Variants in NCKAP5 observed in about 807,000 individuals in gnomAD.
NCKAP5 encodes nck-associated protein 5.
Under a neutral mutation model 167.0 loss-of-function variants are expected in NCKAP5, and 92 were observed. The ratio of observed to expected loss-of-function variants is 0.55; its 90% CI spans 0.47 to 0.66. The LOEUF (loss-of-function observed/expected upper bound fraction) is 0.66, where lower values mean the gene tolerates loss of function less well. NCKAP5 is among the 30% of genes least tolerant of loss of function. NCKAP5 has a pLI of 0.00. For missense variants in NCKAP5, 2,378 were observed against 2,315.0 expected (o/e 1.03, Z -0.56); for synonymous variants, 891 against 877.4 (o/e 1.02, Z -0.27).
chr2:133,217,322 C>T (rs1177878542), intron 4 of NCKAP5, among the ~76,000 whole-genome samples: 1 of 151,846 alleles, frequency 6.6e-6, no homozygotes, highest in Non-Finnish European at 1.5e-5. Context: ...CCCACCTAAA[C>T]AAAAAAACAG....
chr2:133,349,208 C>T (rs181153513), intron 3 of NCKAP5, among the ~76,000 whole-genome samples: 164 of 152,312 alleles, frequency 1.1e-3, no homozygotes, highest in Non-Finnish European at 1.9e-3. Flanking sequence ...AGGGGAATCA[C>T]TATCTTGTTT....
At chr2:132,969,068 C>T (rs1012202232) in intron 7 of NCKAP5, among the ~76,000 whole-genome samples, 1 of 152,106 alleles carries the variant, frequency 6.6e-6, no homozygotes, top group Non-Finnish European at 1.5e-5. Context: ...GATGGAGTCT[C>T]CCTCTGTTGC....
At chr2:133,459,412 G>A (rs140515737) in intron 3 of NCKAP5, among the ~76,000 whole-genome samples, 20 of 152,074 alleles carry the variant, frequency 1.3e-4, no homozygotes, top group Non-Finnish European at 2.2e-4. Flanking sequence ...TTATATGAGT[G>A]TAAGGTTCTT....
At chr2:133,629,602 C>T in the NCKAP5 span, among the ~76,000 whole-genome samples, 5 of 152,096 alleles carry the variant, frequency 3.3e-5, no homozygotes, top group Admixed American at 2.6e-4. Context: ...CCAGAAATAC[C>T]ATTTGACCCA....
intron 6 of NCKAP5, among the ~76,000 whole-genome samples, chr2:133,023,324 AT>A (rs1251142431): frequency 2.6e-5 from 4 of 152,014 alleles, no homozygotes; most frequent in Admixed American, 2.6e-4. Flanking sequence ...ACCTGTGAAT[AT>A]TTTTTCATAT....
At chr2:133,555,175 A>G (rs1687652543) in intron 2 of NCKAP5, among the ~76,000 whole-genome samples, 2 of 152,162 alleles carry the variant, frequency 1.3e-5, no homozygotes, top group Admixed American at 6.5e-5. Flanking sequence ...TCTATAATGA[A>G]CCTGCTTTTG....
At chr2:133,458,781 T>C (rs1006917836) in intron 3 of NCKAP5, among the ~76,000 whole-genome samples, 33 of 152,160 alleles carry the variant, frequency 2.2e-4, no homozygotes, top group African/African-American at 8.0e-4. Flanking sequence ...ATAAGGACTC[T>C]CGGGGTTTAG....
chr2:133,393,819 A>G (rs1687572596), intron 3 of NCKAP5, among the ~76,000 whole-genome samples: 1 of 152,208 alleles, frequency 6.6e-6, no homozygotes. Context: ...TTGGTGCCAT[A>G]TGTATTAGGA....
intron 4 of NCKAP5, among the ~76,000 whole-genome samples, chr2:133,256,749 G>C (rs1015938738): frequency 6.6e-6 from 1 of 152,154 alleles, no homozygotes; most frequent in Non-Finnish European, 1.5e-5. Context: ...TTAAAACAAA[G>C]TGAAAGTTCC....
intron 19 of NCKAP5, among the ~76,000 whole-genome samples, chr2:132,681,186 G>A (rs1379750189): frequency 6.6e-6 from 1 of 152,096 alleles, no homozygotes; most frequent in Non-Finnish European, 1.5e-5. Flanking sequence ...TGATAATTGA[G>A]CAGTTCCTGA....
At chr2:133,243,105 T>C (rs1425320958) in intron 4 of NCKAP5, among the ~76,000 whole-genome samples, 1 of 150,260 alleles carries the variant, frequency 6.7e-6, no homozygotes, top group Non-Finnish European at 1.5e-5. Context: ...CATACTTATA[T>C]ATATTTTTTA....
rs1214433229 is a variant in NCKAP5 at position 133,171,614 on chromosome 2, G to A, written c.208-41503C>T. On this transcript the variant is annotated intron_variant, in intron 5 of 19. Coordinates refer to ENST00000409261, the MANE Select transcript of NCKAP5 (RefSeq NM_207363.3). ...ATGTGGCTCCCTCTTCTGGTGGAAA[G>A]CCTGAATCAATAATAAAATCATCTC... Among the ~76,000 whole-genome samples, 3 of 152,202 alleles carry A rather than the reference G, an allele frequency of 2.0e-5. No homozygotes were observed. The East Asian group carries it at 5.8e-4, about 29-fold the overall frequency.
chr2:133,111,227 A>C (rs537606354), intron 6 of NCKAP5, among the ~76,000 whole-genome samples: 1 of 152,272 alleles, frequency 6.6e-6, no homozygotes, highest in East Asian at 1.9e-4. Flanking sequence ...ATTTAAGTGA[A>C]GGTGAATTTG....
At position 133,213,697 on chromosome 2, in the gene NCKAP5, G is replaced by A. The variant is rs756042071; in HGVS notation, c.207+19C>T. On this transcript the variant is annotated intron_variant, in intron 5 of 19. Coordinates refer to ENST00000409261, the MANE Select transcript of NCKAP5 (RefSeq NM_207363.3). ...ACCTCTGGATGTTGTGGAATGAGGG[G>A]ACGGCAGTCAGGACTTACCATGGCC... 1.2e-6 allele frequency: 2 copies of A among 1,612,934 alleles called. No homozygotes were observed. Among genetic ancestry groups the A allele is most frequent in the Non-Finnish European group, 1.7e-6 (2 of 1,179,322 alleles).
At chr2:133,508,766 A>T (rs529169688) in intron 3 of NCKAP5, among the ~76,000 whole-genome samples, 6 of 152,336 alleles carry the variant, frequency 3.9e-5, no homozygotes, top group African/African-American at 1.4e-4. Flanking sequence ...GATGATTCCC[A>T]TTGTTGAAAG....
chr2:132,731,314 C>T (rs530181750), intron 17 of NCKAP5, among the ~76,000 whole-genome samples: 1 of 152,300 alleles, frequency 6.6e-6, no homozygotes, highest in South Asian at 2.1e-4. Flanking sequence ...TATAGTTCAA[C>T]ATATAAAGAT....
chr2:133,666,198 T>C, the NCKAP5 span, among the ~76,000 whole-genome samples: 1 of 148,790 alleles, frequency 6.7e-6, no homozygotes, highest in Non-Finnish European at 1.5e-5. Flanking sequence ...TTTTTTTTTT[T>C]TTTTTTTTTT....
At chr2:133,219,956 G>A (rs779244923) in intron 4 of NCKAP5, among the ~76,000 whole-genome samples, 5 of 152,046 alleles carry the variant, frequency 3.3e-5, no homozygotes, top group South Asian at 2.1e-4. Flanking sequence ...TTCCTGGCAC[G>A]CCATATTTTC....
intron 2 of NCKAP5, among the ~76,000 whole-genome samples, chr2:133,524,367 T>C (rs1262201592): frequency 2.1e-4 from 32 of 152,214 alleles, no homozygotes. Flanking sequence ...TTTGGATAAA[T>C]ACCTTTATCC....
Sources: gnomAD v4.1 joint callset for allele counts (sites outside exome capture counted in the v4.1 genomes callset) on GRCh38, gnomAD v4.1.1 for gene constraint, MANE v1.5 for transcripts, NCBI Gene and HGNC (gene_info 2026-07-23, HGNC 2026-07-21) for gene names.